The following BCL2L13 variants were observed in gnomAD, a reference collection of about 807,000 sequenced individuals.
BCL2L13 encodes the protein bcl-2-like protein 13.
Under a neutral mutation model 25.8 loss-of-function variants are expected in BCL2L13, and 13 were observed. That is an observed-to-expected ratio of 0.50 (90% CI 0.33 to 0.80). BCL2L13 has a LOEUF of 0.80. Among genes scored for constraint, BCL2L13 ranks in the 30% least tolerant of loss-of-function variants. The pLI, the probability that BCL2L13 is intolerant of heterozygous loss-of-function variation, is 0.02. For missense variants in BCL2L13, 504 were observed against 574.9 expected, an observed-to-expected ratio of 0.88 and a Z score of 1.26; for synonymous variants, 244 against 230.3, an observed-to-expected ratio of 1.06 and a Z score of -0.54.
chr22:17,630,593 T>C (rs1318906567), intron 1 of BCL2L13, among the ~76,000 whole-genome samples: 30 of 142,402 alleles, frequency 2.1e-4, no homozygotes, highest in East Asian at 1.4e-3. Context: ...TTTCTTTTCT[T>C]TTTTTTTTTT....
chr22:17,702,329 T>C lies in BCL2L13; in HGVS notation c.543T>C (p.Phe181=). The C allele has an allele frequency of 3.1e-6, 5 of 1,612,552 alleles. No individual in the cohort carries two copies. The highest frequency in any genetic ancestry group is 4.2e-6 in the Non-Finnish European group (5 of 1,179,224). Residue 181 remains phenylalanine (F), a synonymous_variant, in exon 6 of 7, where the codon TTT becomes TTC. Coordinates refer to ENST00000317582, the MANE Select transcript of BCL2L13 (RefSeq NM_015367.4). ...GQEPLSALLQ[F]GVTYLEDYSA... Reference sequence around the variant, plus strand: ...AACCTTTGAGCGCACTGCTGCAGTTTGGCGTGACATACCTGGAGGACTATT... The same window carrying C: ...AACCTTTGAGCGCACTGCTGCAGTTCGGCGTGACATACCTGGAGGACTATT...
At chr22:17,681,787 T>G (rs1002578064) in intron 2 of BCL2L13, among the ~76,000 whole-genome samples, 1 of 152,172 alleles carries the variant, frequency 6.6e-6, no homozygotes, top group African/African-American at 2.4e-5. Context: ...GTGCAGGGGT[T>G]AGGGCCCAGA....
chr22:17,661,352 A>G (rs2059060932), intron 2 of BCL2L13, among the ~76,000 whole-genome samples: 1 of 145,872 alleles, frequency 6.9e-6, no homozygotes, highest in Non-Finnish European at 1.6e-5. Flanking sequence ...CAGCCTCCCA[A>G]AGTGCTGGGA....
intron 6 of BCL2L13, among the ~76,000 whole-genome samples, chr22:17,725,964 A>G (rs1434682952): frequency 6.6e-6 from 1 of 151,890 alleles, no homozygotes; most frequent in East Asian, 1.9e-4. Context: ...GTGTGCATGA[A>G]GCAGATTTTT....
chr22:17,652,143 C>T (rs1019701018), intron 1 of BCL2L13, among the ~76,000 whole-genome samples: 7 of 152,292 alleles, frequency 4.6e-5, no homozygotes, highest in Non-Finnish European at 1.0e-4. Flanking sequence ...GTTGAAAATG[C>T]ATTTAATACA....
upstream of BCL2L13, chr22:17,638,352 A>G (rs2058148989): frequency 4.5e-6 from 1 of 220,334 alleles, no homozygotes; most frequent in African/African-American, 2.3e-5. Context: ...CATCTGCCCC[A>G]ACTAGTGGCG....
intron 1 of BCL2L13, among the ~76,000 whole-genome samples, chr22:17,631,955 C>T (rs753889649): frequency 5.3e-5 from 8 of 151,134 alleles, no homozygotes; most frequent in Non-Finnish European, 1.0e-4. Context: ...CTCCTGACCT[C>T]GTGATCTGCC....
At chr22:17,637,136 G>C (rs541176006), upstream of BCL2L13, among the ~76,000 whole-genome samples, 1 of 152,144 alleles carries the variant, frequency 6.6e-6, no homozygotes, top group African/African-American at 2.4e-5. Flanking sequence ...GCCAGGCACG[G>C]TGGCTCACGT....
In BCL2L13 at chr22:17,655,717, G is replaced by T; in HGVS notation, c.6G>T (p.Ala2=). Residue 2 remains alanine, a synonymous_variant, in exon 2 of 7, where the codon GCG becomes GCT. Coordinates refer to ENST00000317582, the MANE Select transcript of BCL2L13 (RefSeq NM_015367.4). ...GAGCCTCACCAGCCAATTCAATGGC[G>T]TCCTCTTCTACTGTGCCTCTGGGAT... is the stretch of plus-strand genomic sequence containing the variant. M[A]SSSTVPLGFH... 1 of 1,611,348 alleles carries T rather than the reference G, an allele frequency of 6.2e-7. No individual in the cohort carries two copies.
chr22:17,677,647 G>T (rs1292450593), intron 2 of BCL2L13, among the ~76,000 whole-genome samples: 1 of 152,206 alleles, frequency 6.6e-6, no homozygotes. Flanking sequence ...TCTGAGGCAG[G>T]TGGATCATGA....
intron 4 of BCL2L13, among the ~76,000 whole-genome samples, chr22:17,695,050 C>CCA (rs201201630): frequency 0.053 from 8,060 of 152,202 alleles, 356 homozygotes; most frequent in African/African-American, 0.12. Context: ...CGTAGCAATG[C>CCA]GAGGAACCAC....
At chr22:17,710,721 A>C (rs996943221) in intron 6 of BCL2L13, among the ~76,000 whole-genome samples, 2 of 151,908 alleles carry the variant, frequency 1.3e-5, no homozygotes, top group Admixed American at 1.3e-4. Flanking sequence ...CTAAAAATAC[A>C]AAAAAATTAG....
rs890631679 is a variant in BCL2L13, at chr22:17,656,335, CTTTTTTTTTTTTTTTTTT to C, written c.121+519_121+536del. Among the ~76,000 whole-genome samples, 9 of 57,882 alleles carry C rather than the reference CTTTTTTTTTTTTTTTTTT, an allele frequency of 1.6e-4. No homozygotes were observed. In the East Asian group the frequency reaches 2.6e-3, roughly 17 times the overall value. 38.0% of individuals were successfully genotyped at this position (57,882 alleles called of 152,430 possible). On this transcript the variant is annotated intron_variant, in intron 2 of 6. Coordinates refer to ENST00000317582, the MANE Select transcript of BCL2L13 (RefSeq NM_015367.4). ...CAAAAGTATTTTTTTTCATTTTATT[CTTTTTTTTTTTTTTTTTT>C]TTTTTTTTTTTTTTTGGGACAGAGT...
chr22:17,641,011 C>T (rs1221709257), intron 1 of BCL2L13, among the ~76,000 whole-genome samples: 1 of 151,896 alleles, frequency 6.6e-6, no homozygotes, highest in East Asian at 1.9e-4. Context: ...CTGCCTCAGC[C>T]TCCCGAGTAG....
At chr22:17,630,933 C>G (rs1356562873) in intron 1 of BCL2L13, among the ~76,000 whole-genome samples, 1 of 151,756 alleles carries the variant, frequency 6.6e-6, no homozygotes, top group Non-Finnish European at 1.5e-5. Context: ...CTTTTATAAC[C>G]TTCTTATAAC....
intron 6 of BCL2L13, among the ~76,000 whole-genome samples, chr22:17,715,807 G>A (rs1240563558): frequency 9.2e-5 from 14 of 152,200 alleles, no homozygotes; most frequent in Non-Finnish European, 1.9e-4. Flanking sequence ...GGTTGGAATT[G>A]TTTTTAGCAC....
intron 3 of BCL2L13, among the ~76,000 whole-genome samples, chr22:17,685,517 C>T (rs749739924): frequency 6.6e-6 from 1 of 152,114 alleles, no homozygotes; most frequent in Non-Finnish European, 1.5e-5. Flanking sequence ...AACAACTGCA[C>T]CTGGCCGACT....
At chr22:17,696,094 A>T in intron 4 of BCL2L13, 47 bp from the exon 5 acceptor site, 1 of 1,433,634 alleles carries the variant, frequency 7.0e-7, no homozygotes, top group Non-Finnish European at 9.8e-7. Context: ...CTGGAAATAC[A>T]GAATTTTCCT....
At chr22:17,712,822 A>G (rs1224419204) in intron 6 of BCL2L13, among the ~76,000 whole-genome samples, 4 of 152,212 alleles carry the variant, frequency 2.6e-5, no homozygotes, top group Non-Finnish European at 5.9e-5. Flanking sequence ...AGCTATTTTA[A>G]TTCATGTTGC....
Sources: allele counts gnomAD v4.1 joint callset (sites outside exome capture counted in the v4.1 genomes callset), GRCh38; gene constraint gnomAD v4.1.1; transcripts MANE v1.5; gene names NCBI Gene and HGNC (gene_info 2026-07-23, HGNC 2026-07-21).